The following MYO7B variants were observed in gnomAD, a reference collection of about 807,000 sequenced individuals.
The protein encoded by MYO7B is myosin VIIB, also known as unconventional myosin-VIIb.
MYO7B carries 212 observed loss-of-function variants against 259.7 expected under a neutral mutation model. The observed-to-expected ratio is 0.82, with a 90% CI of 0.73 to 0.91. MYO7B has a LOEUF of 0.91. Among genes scored for constraint, MYO7B ranks in the 40% least tolerant of loss-of-function variants. The probability of loss-of-function intolerance (pLI) is 0.00; values close to 1 mark genes in which losing one functional copy is unlikely to be tolerated. For synonymous variants in MYO7B, 1,197 were observed against 1,166.4 expected (o/e 1.03, Z -0.54); for missense variants, 2,732 against 2,813.5 (o/e 0.97, Z 0.66).
chr2:127,627,389 G>T lies in MYO7B; in HGVS notation c.4460+79G>T. On this transcript the variant is annotated intron_variant, in intron 33 of 47. Transcript: ENST00000409816. This position sits in a 1 kb window ranked among gnomAD's most constrained non-coding sequence, Gnocchi z 5.6. ...CTGGGGGCTCGGGGAGAGATGGGGA[G>T]AGGGGCAGTGTGCCGTCCCGGGTAA... 1 of 1,503,450 alleles carries T rather than the reference G, an allele frequency of 6.7e-7. No homozygotes were observed. The highest frequency in any genetic ancestry group is 1.2e-5 in the South Asian group (1 of 84,152). The allele number at this position is 1,503,450 out of a possible 1,614,324, so 93.1% of individuals were successfully genotyped here.
At chr2:127,635,624 G>C in intron 43 of MYO7B, 98 bp from the exon 44 acceptor site, 1 of 1,316,222 alleles carries the variant, frequency 7.6e-7, no homozygotes, top group Non-Finnish European at 1.0e-6. Context: ...GGATGGAGTG[G>C]GCTAAGCCCC....
chr2:127,542,323 T>C (rs1029547070), intron 1 of MYO7B, among the ~76,000 whole-genome samples: 1 of 152,154 alleles, frequency 6.6e-6, no homozygotes, highest in Non-Finnish European at 1.5e-5. Flanking sequence ...GGACCCTTTT[T>C]CTCTGGTGTG....
rs147979787 is a variant in MYO7B at position 127,636,738 on chromosome 2, A to T, written c.6208-56A>T. The T allele has an allele frequency of 0.021, 33,938 of 1,611,820 alleles. 476 individuals are homozygous for T. Among genetic ancestry groups the T allele is most frequent in the South Asian group, 0.051 (4,634 of 90,914 alleles). On this transcript the variant is annotated intron_variant, in intron 46 of 47. Coordinates refer to ENST00000409816, the MANE Select transcript of MYO7B (RefSeq NM_001393586.1). The surrounding 1 kb of genome is among the most constrained non-coding windows in gnomAD (Gnocchi z 4.5). ...TCCTGCCTCTCTCCTGTCCCCTAAC[A>T]CACACAGAGCCCGTGCTCTGGAGGC...
rs1011824931 is a variant in MYO7B, at chr2:127,611,527, G to A, written c.3193-723G>A. 6.6e-6 allele frequency among the ~76,000 whole-genome samples: 1 copy of A among 152,170 alleles called. No individual in the cohort carries two copies. Among genetic ancestry groups the A allele is most frequent in the African/African-American group, 2.4e-5 (1 of 41,444 alleles). On this transcript the variant is annotated intron_variant, in intron 24 of 47. Coordinates refer to ENST00000409816, the MANE Select transcript of MYO7B (RefSeq NM_001393586.1). This position sits in a 1 kb window ranked among gnomAD's most constrained non-coding sequence, Gnocchi z 5.4. Reference sequence around the variant, plus strand: ...AGACACAGAGCAGTGAGCCCAGCAAGCCTCACTGCCCTCACGGACTTTGCC... The same window carrying A: ...AGACACAGAGCAGTGAGCCCAGCAAACCTCACTGCCCTCACGGACTTTGCC...
intron 30 of MYO7B, 104 bp downstream of exon 30, chr2:127,624,424 G>C (rs2105091546): frequency 9.5e-7 from 1 of 1,052,520 alleles, no homozygotes; most frequent in East Asian, 2.6e-5. Flanking sequence ...AGGTGGGGGG[G>C]CAGGAAAGGG....
At chr2:127,620,526 G>T in intron 27 of MYO7B, 60 bp downstream of exon 27, 2 of 1,419,464 alleles carry the variant, frequency 1.4e-6, no homozygotes, top group Admixed American at 2.4e-5. Flanking sequence ...AGCGTAGGTG[G>T]CCCCTGGCCC....
At position 127,627,390 on chromosome 2, in the gene MYO7B, A is replaced by C; in HGVS notation, c.4460+80A>C. On this transcript the variant is annotated intron_variant, in intron 33 of 47. Coordinates refer to ENST00000409816, the MANE Select transcript of MYO7B (RefSeq NM_001393586.1). The surrounding 1 kb of genome is among the most constrained non-coding windows in gnomAD (Gnocchi z 5.6). ...TGGGGGCTCGGGGAGAGATGGGGAG[A>C]GGGGCAGTGTGCCGTCCCGGGTAAC... 315 of 607,138 alleles carry C rather than the reference A, an allele frequency of 5.2e-4. No homozygotes were observed. Among genetic ancestry groups the C allele is most frequent in the Non-Finnish European group, 7.2e-4 (289 of 401,866 alleles). 37.6% of individuals were successfully genotyped at this position (607,138 alleles called of 1,614,324 possible).
Position 127,611,868 on chromosome 2 carries a change from A to G in MYO7B, c.3193-382A>G, listed in dbSNP as rs2105041239. On this transcript the variant is annotated intron_variant, in intron 24 of 47. Coordinates refer to ENST00000409816, the MANE Select transcript of MYO7B (RefSeq NM_001393586.1). The surrounding 1 kb of genome is among the most constrained non-coding windows in gnomAD (Gnocchi z 5.4). ...TCATCTGCTATCTTTACTGAGAATGACCATGGCCTGGGGCTGTCCTAAGCA... is the reference window on the plus strand; with the variant it reads ...TCATCTGCTATCTTTACTGAGAATGGCCATGGCCTGGGGCTGTCCTAAGCA... Among the ~76,000 whole-genome samples, 1 of 152,124 alleles carries G rather than the reference A, an allele frequency of 6.6e-6. No individual in the cohort carries two copies. Among genetic ancestry groups the G allele is most frequent in the South Asian group, 2.1e-4 (1 of 4,822 alleles).
At chr2:127,553,458 T>C (rs1158402102) in intron 1 of MYO7B, among the ~76,000 whole-genome samples, 1 of 152,236 alleles carries the variant, frequency 6.6e-6, no homozygotes, top group Non-Finnish European at 1.5e-5. Flanking sequence ...TAGTTTTCCT[T>C]GTAGAGGGCT....
intron 1 of MYO7B, among the ~76,000 whole-genome samples, chr2:127,544,582 T>TC (rs1693142293): frequency 7.2e-6 from 1 of 138,436 alleles, no homozygotes; most frequent in Admixed American, 6.9e-5. Flanking sequence ...CTAATTTTTT[T>TC]TTTTTTTTTT....
Position 127,612,311 on chromosome 2 carries a change from C to A in MYO7B, c.3254C>A (p.Ser1085Tyr), listed in dbSNP as rs1273775457. ...DISSMKLKRS[S>Y]RITGQVASQL... The stretch of plus-strand genomic sequence containing the variant: ...TCCTCCATGAAGCTGAAGCGGTCCT[C>A]CCGGATCACAGGCCAGGTGAGCCCA... The change falls in exon 25 of 48, where the codon TCC (serine) becomes TAC (tyrosine). Residue 1085 changes from serine (S) to tyrosine (Y), a missense_variant. This residue lies in a region of MYO7B where 1,906 missense variants were observed against 2,026.4 expected (regional missense o/e 0.94). Transcript: ENST00000409816. 5.2e-6 allele frequency: 5 copies of A among 955,030 alleles called. No individual in the cohort carries two copies. The highest frequency in any genetic ancestry group is 8.1e-6 in the Non-Finnish European group (5 of 619,530). 59.2% of individuals were successfully genotyped at this position (955,030 alleles called of 1,614,324 possible).
Position 127,602,998 on chromosome 2 carries a change from T to A in MYO7B, c.2340-2846T>A, listed in dbSNP as rs748661654. On this transcript the variant is annotated intron_variant, in intron 19 of 47. Transcript: ENST00000409816. Reference sequence around the variant, plus strand: ...CTAGGCGACAGAGTGAGACCTTGTCTCAAAAAAAAAAAAAAAGTAACTCCT... The same window carrying A: ...CTAGGCGACAGAGTGAGACCTTGTCACAAAAAAAAAAAAAAAGTAACTCCT... Among the ~76,000 whole-genome samples the A allele has an allele frequency of 2.4e-3, 360 of 147,214 alleles. 2 individuals are homozygous for A. Among genetic ancestry groups the A allele is most frequent in the Admixed American group, 4.3e-3 (64 of 14,880 alleles).
chr2:127,564,157 A>G lies in MYO7B; in HGVS notation c.23A>G (p.Asp8Gly). The G allele has an allele frequency of 6.4e-7, 1 of 1,561,332 alleles. No homozygotes were observed. Among genetic ancestry groups the G allele is most frequent in the Non-Finnish European group, 8.7e-7 (1 of 1,152,344 alleles). Residue 8 changes from aspartate to glycine, a missense_variant, in exon 3 of 48, where the codon GAC (aspartate) becomes GGC (glycine). Coordinates refer to ENST00000409816, the MANE Select transcript of MYO7B (RefSeq NM_001393586.1). ...TGTCTTCTGTCTGCCCTCCAGGGTG[A>G]CCACGTGTGGCTGGAGCCTCCCTCC... The part of the protein sequence containing the change: MSGFRLG[D>G]HVWLEPPSTH...
intron 1 of MYO7B, among the ~76,000 whole-genome samples, chr2:127,557,736 A>G (rs1407035055): frequency 6.6e-6 from 1 of 152,222 alleles, no homozygotes; most frequent in Admixed American, 6.5e-5. Context: ...AAAAACGTAA[A>G]GTGGGGAAAT....
rs1681244712 is a variant in MYO7B, at chr2:127,628,036, G to A, written c.4461-336G>A. 2 of 524,592 alleles carry A rather than the reference G, an allele frequency of 3.8e-6. No individual in the cohort carries two copies. The highest frequency in any genetic ancestry group is 2.9e-4 in the Middle Eastern group (1 of 3,444). The allele number at this position is 524,592 out of a possible 1,614,324, so 32.5% of individuals were successfully genotyped here. On this transcript the variant is annotated intron_variant, in intron 33 of 47. Transcript: ENST00000409816. This position sits in a 1 kb window ranked among gnomAD's most constrained non-coding sequence, Gnocchi z 4.8. ...AACTGAAGCACGCCGAGGTTAGGTG[G>A]CTCAGAGTAAGCACATGGCAGAGCC... is the stretch of plus-strand genomic sequence containing the variant.
At chr2:127,619,791 T>C (rs1443495130) in intron 26 of MYO7B, among the ~76,000 whole-genome samples, 1 of 151,710 alleles carries the variant, frequency 6.6e-6, no homozygotes, top group African/African-American at 2.4e-5. Context: ...GAGGCTTGAG[T>C]CCATGGGGAA....
intron 7 of MYO7B, 97 bp downstream of exon 7, chr2:127,574,159 C>A: frequency 1.3e-6 from 2 of 1,483,930 alleles, no homozygotes; most frequent in Non-Finnish European, 1.8e-6. Flanking sequence ...CCCTCTTCCC[C>A]AAGGGCCCTC....
rs1553448471 is a variant in MYO7B at position 127,571,442 on chromosome 2, G to GTTTTTTTTTTGTTTTTTTTTTTTTTT, written c.592+1542_592+1543insGTTTTTTTTTTTTTTTTTTTTTTTTT. On this transcript the variant is annotated intron_variant, in intron 6 of 47. Coordinates refer to ENST00000409816, the MANE Select transcript of MYO7B (RefSeq NM_001393586.1). ...AATTGGTCTATTTCCTTACCAGTGA[G>GTTTTTTTTTTGTTTTTTTTTTTTTTT]TTTTTTTTTTTTTTTTTGCTTGTTT... 6.7e-4 allele frequency among the ~76,000 whole-genome samples: 28 copies of GTTTTTTTTTTGTTTTTTTTTTTTTTT among 41,970 alleles called. 2 individuals carry two copies. Among genetic ancestry groups the GTTTTTTTTTTGTTTTTTTTTTTTTTT allele is most frequent in the Admixed American group, 1.0e-3 (3 of 2,902 alleles). 27.5% of individuals were successfully genotyped at this position (41,970 alleles called of 152,430 possible). A position where few individuals can be genotyped will look rare whatever the true frequency, so the allele number is the denominator to read the frequency against.
chr2:127,585,868 T>C lies in MYO7B; in HGVS notation c.1690+955T>C, dbSNP rs1679285827. Among the ~76,000 whole-genome samples the C allele has an allele frequency of 6.6e-6, 1 of 152,214 alleles. No homozygotes were observed. The highest frequency in any genetic ancestry group is 1.5e-5 in the Non-Finnish European group (1 of 68,038). Reference sequence around the variant, plus strand: ...CATATGCTTCTTGGCCATTTGCACGTCTTCTTTGGAGGGATGTCTATTTAA... The same window carrying C: ...CATATGCTTCTTGGCCATTTGCACGCCTTCTTTGGAGGGATGTCTATTTAA... On this transcript the variant is annotated intron_variant, in intron 14 of 47. Coordinates refer to ENST00000409816, the MANE Select transcript of MYO7B (RefSeq NM_001393586.1). This position sits in a 1 kb window ranked among gnomAD's most constrained non-coding sequence, Gnocchi z 4.3.
Sources: allele counts gnomAD v4.1 joint callset (sites outside exome capture counted in the v4.1 genomes callset), GRCh38; gene constraint gnomAD v4.1.1; regional missense constraint gnomAD v4.1.1; non-coding constraint Gnocchi (gnomAD v3.1); transcripts MANE v1.5; gene names NCBI Gene and HGNC (gene_info 2026-07-23, HGNC 2026-07-21).